The following VTI1A variants were observed in gnomAD, a reference collection of about 807,000 sequenced individuals.
VTI1A encodes vesicle transport through interaction with t-SNAREs homolog 1A.
A neutral mutation model predicts 34.9 loss-of-function variants in VTI1A; 22 were observed. That is an observed-to-expected ratio of 0.63 (90% CI 0.45 to 0.90). VTI1A has a LOEUF of 0.90. VTI1A is among the 40% of genes least tolerant of loss of function. The probability of loss-of-function intolerance (pLI) is 0.00; values close to 1 mark genes in which losing one functional copy is unlikely to be tolerated. For missense variants in VTI1A, 268 were observed against 275.6 expected (o/e 0.97, Z 0.20); for synonymous variants, 87 against 97.3 (o/e 0.89, Z 0.62).
chr10:112,806,092 G>T (rs575821924), intron 7 of VTI1A, among the ~76,000 whole-genome samples: 2 of 152,156 alleles, frequency 1.3e-5, no homozygotes, highest in East Asian at 3.9e-4. Flanking sequence ...GAGTGGATGT[G>T]GCTCCTCAGT....
chr10:112,729,911 GC>G lies in VTI1A; in HGVS notation c.560+60914del, dbSNP rs560346312. Among the ~76,000 whole-genome samples the G allele has an allele frequency of 1.4e-4, 22 of 152,316 alleles. No individual in the cohort carries two copies. The South Asian group carries it at 4.3e-3, about 30-fold the overall frequency. ...GGAGAGTTCTACCAGCCCTCTTTGTGCGTAGCAAACCTGATACTCCCCAGAA... is the reference window on the plus strand; with the variant it reads ...GGAGAGTTCTACCAGCCCTCTTTGTGGTAGCAAACCTGATACTCCCCAGAA... On this transcript the variant is annotated intron_variant, in intron 7 of 7. Coordinates refer to ENST00000393077, the MANE Select transcript of VTI1A (RefSeq NM_145206.4).
intron 5 of VTI1A, among the ~76,000 whole-genome samples, chr10:112,650,393 C>T (rs1280852461): frequency 2.0e-5 from 3 of 152,150 alleles, no homozygotes; most frequent in Non-Finnish European, 4.4e-5. Flanking sequence ...CTGTCATCTC[C>T]TATGATAACA....
In VTI1A at chr10:112,481,267, G is replaced by A. The variant is rs114678839; in HGVS notation, c.264+16610G>A. 7.1e-3 allele frequency among the ~76,000 whole-genome samples: 1,080 copies of A among 152,282 alleles called. 14 individuals carry two copies. The highest frequency in any genetic ancestry group is 0.025 in the African/African-American group (1,040 of 41,552). On this transcript the variant is annotated intron_variant, in intron 3 of 7. Coordinates refer to ENST00000393077, the MANE Select transcript of VTI1A (RefSeq NM_145206.4). ...TTTTAAAAGTTAATTTCCTTTCAGTGTAAAGTTAGGTGTTAGTTGGGGAAA... is the reference window on the plus strand; with the variant it reads ...TTTTAAAAGTTAATTTCCTTTCAGTATAAAGTTAGGTGTTAGTTGGGGAAA...
chr10:112,543,358 A>G, intron 5 of VTI1A, among the ~76,000 whole-genome samples: 1 of 151,738 alleles, frequency 6.6e-6, no homozygotes, highest in Middle Eastern at 3.2e-3. Context: ...TGACTTTTTA[A>G]TGATCGCCAT....
intron 7 of VTI1A, among the ~76,000 whole-genome samples, chr10:112,707,855 A>G (rs992314824): frequency 2.0e-5 from 3 of 152,220 alleles, no homozygotes; most frequent in South Asian, 4.1e-4. Flanking sequence ...GAGATTGACT[A>G]TGAGCTATAA....
intron 5 of VTI1A, among the ~76,000 whole-genome samples, chr10:112,620,716 G>A (rs1047271588): frequency 6.6e-6 from 1 of 151,654 alleles, no homozygotes; most frequent in African/African-American, 2.4e-5. Context: ...CTTGAACCCA[G>A]GAGGCAGAGG....
rs879901297 is a variant in VTI1A at position 112,728,817 on chromosome 10, G to T, written c.560+59819G>T. Reference sequence around the variant, plus strand: ...TAGTAGCATGATTATGGTAACCATTGTATGTACCAGGCATGGGGCTATGCA... The same window carrying T: ...TAGTAGCATGATTATGGTAACCATTTTATGTACCAGGCATGGGGCTATGCA... On this transcript the variant is annotated intron_variant, in intron 7 of 7. Coordinates refer to ENST00000393077, the MANE Select transcript of VTI1A (RefSeq NM_145206.4). Among the ~76,000 whole-genome samples the T allele has an allele frequency of 2.6e-5, 4 of 152,252 alleles. No individual in the cohort carries two copies. In the East Asian group the frequency reaches 7.7e-4, roughly 29 times the overall value.
chr10:112,625,159 G>A lies in VTI1A; in HGVS notation c.428-43059G>A, dbSNP rs369186869. 3.3e-5 allele frequency among the ~76,000 whole-genome samples: 5 copies of A among 152,214 alleles called. No homozygotes were observed. In the South Asian group the frequency reaches 1.0e-3, roughly 31 times the overall value. On this transcript the variant is annotated intron_variant, in intron 5 of 7. Coordinates refer to ENST00000393077, the MANE Select transcript of VTI1A (RefSeq NM_145206.4). Reference sequence around the variant, plus strand: ...GCTGAATACATATGTTTAACTTGGGGGGTAACCTTTGTGGCTACGCCTATG... The same window carrying A: ...GCTGAATACATATGTTTAACTTGGGAGGTAACCTTTGTGGCTACGCCTATG...
At chr10:112,641,200 C>CA (rs1234191370) in intron 5 of VTI1A, among the ~76,000 whole-genome samples, 1 of 152,100 alleles carries the variant, frequency 6.6e-6, no homozygotes, top group Non-Finnish European at 1.5e-5. Flanking sequence ...TTGGGCACTT[C>CA]AGGCTTTCTC....
At chr10:112,735,460 G>C (rs983893508) in intron 7 of VTI1A, among the ~76,000 whole-genome samples, 11 of 152,156 alleles carry the variant, frequency 7.2e-5, no homozygotes, top group Admixed American at 1.3e-4. Flanking sequence ...AGAAGTAATT[G>C]AAAATCTGCA....
At chr10:112,688,363 A>G (rs2133874002) in intron 7 of VTI1A, among the ~76,000 whole-genome samples, 1 of 151,982 alleles carries the variant, frequency 6.6e-6, no homozygotes, top group Non-Finnish European at 1.5e-5. Flanking sequence ...AACCTACCCC[A>G]TCTACAATGA....
chr10:112,784,172 T>A (rs138185531), intron 7 of VTI1A, among the ~76,000 whole-genome samples: 125 of 152,328 alleles, frequency 8.2e-4, no homozygotes, highest in African/African-American at 2.8e-3. Flanking sequence ...TTTATAACGT[T>A]CAAATCTTAA....
At chr10:112,676,608 G>A (rs1210890828) in intron 7 of VTI1A, among the ~76,000 whole-genome samples, 2 of 152,084 alleles carry the variant, frequency 1.3e-5, no homozygotes, top group Non-Finnish European at 2.9e-5. Context: ...CTCTTTGGGT[G>A]GGCAGTATGT....
At chr10:112,590,018 ATT>A (rs1195659006) in intron 5 of VTI1A, among the ~76,000 whole-genome samples, 3 of 152,158 alleles carry the variant, frequency 2.0e-5, no homozygotes, top group Non-Finnish European at 4.4e-5. Flanking sequence ...TTAGGGTGCT[ATT>A]TAAGTGCAGA....
At chr10:112,559,598 C>A (rs186792824) in intron 5 of VTI1A, among the ~76,000 whole-genome samples, 199 of 152,234 alleles carry the variant, frequency 1.3e-3, no homozygotes, top group Non-Finnish European at 2.0e-3. Flanking sequence ...CATGCACCCC[C>A]CAGTGCTGCC....
chr10:112,681,651 G>C (rs1406278504), intron 7 of VTI1A, among the ~76,000 whole-genome samples: 1 of 152,110 alleles, frequency 6.6e-6, no homozygotes, highest in Non-Finnish European at 1.5e-5. Context: ...TTCACTGGTT[G>C]TGCCCCAGTT....
At chr10:112,659,859 G>A (rs1330278336) in intron 5 of VTI1A, among the ~76,000 whole-genome samples, 2 of 152,150 alleles carry the variant, frequency 1.3e-5, no homozygotes, top group African/African-American at 4.8e-5. Flanking sequence ...ATATTTTATG[G>A]TACATAGTAA....
intron 2 of VTI1A, among the ~76,000 whole-genome samples, chr10:112,460,927 G>A (rs912030775): frequency 6.6e-6 from 1 of 152,170 alleles, no homozygotes; most frequent in Non-Finnish European, 1.5e-5. Context: ...CAATAACCAT[G>A]TGAGACAATA....
chr10:112,530,899 A>T (rs1850398411), intron 4 of VTI1A, among the ~76,000 whole-genome samples: 1 of 152,106 alleles, frequency 6.6e-6, no homozygotes, highest in South Asian at 2.1e-4. Flanking sequence ...AAATAAATAG[A>T]CTGTCATCAT....
Sources: gnomAD v4.1 joint callset for allele counts (sites outside exome capture counted in the v4.1 genomes callset) on GRCh38, gnomAD v4.1.1 for gene constraint, MANE v1.5 for transcripts, NCBI Gene and HGNC (gene_info 2026-07-23, HGNC 2026-07-21) for gene names.